The following VPS26C variants were observed in gnomAD, a reference collection of about 807,000 sequenced individuals.
VPS26C encodes the protein vacuolar protein sorting-associated protein 26C.
In VPS26C, 19 loss-of-function variants were observed where a neutral mutation model predicts 30.6. That is an observed-to-expected ratio of 0.62 (90% CI 0.43 to 0.91). VPS26C has a LOEUF of 0.91. Among genes scored for constraint, VPS26C ranks in the 40% least tolerant of loss-of-function variants. VPS26C has a pLI of 0.00. For missense variants in VPS26C, 318 were observed against 385.1 expected (o/e 0.83, Z 1.46); for synonymous variants, 132 against 151.5 (o/e 0.87, Z 0.95).
At position 37,257,945 on chromosome 21, in the gene VPS26C, G is replaced by T. The variant is rs138973602; in HGVS notation, c.57+9293C>A. Among the ~76,000 whole-genome samples the T allele has an allele frequency of 6.6e-6, 1 of 152,116 alleles. No individual in the cohort carries two copies. Among genetic ancestry groups the T allele is most frequent in the African/African-American group, 2.4e-5 (1 of 41,406 alleles). Reference sequence around the variant, plus strand: ...AAGCACCATGCAGCGCCCACCAGCCGGCAGCGCCCACCAGCCTGCGCTGCG... The same window carrying T: ...AAGCACCATGCAGCGCCCACCAGCCTGCAGCGCCCACCAGCCTGCGCTGCG... On this transcript the variant is annotated intron_variant, in intron 1 of 7. Coordinates refer to ENST00000309117, the MANE Select transcript of VPS26C (RefSeq NM_006052.2). The surrounding 1 kb of genome is among the most constrained non-coding windows in gnomAD (Gnocchi z 4.2).
At chr21:37,227,994 T>C (rs780542005) in intron 6 of VPS26C, among the ~76,000 whole-genome samples, 188 bp from the exon 7 acceptor site, 2 of 152,200 alleles carry the variant, frequency 1.3e-5, no homozygotes, top group Non-Finnish European at 2.9e-5. Context: ...CGTCCTCTCG[T>C]TTTTTAGAGT....
At chr21:37,240,913 T>C (rs1178058994) in intron 1 of VPS26C, among the ~76,000 whole-genome samples, 1 of 152,156 alleles carries the variant, frequency 6.6e-6, no homozygotes, top group Non-Finnish European at 1.5e-5. Flanking sequence ...CATGTCTTCA[T>C]TCCTGGTTGG....
At chr21:37,227,421 A>C (rs989848933) in intron 7 of VPS26C, 1 of 538,078 alleles carries the variant, frequency 1.9e-6, no homozygotes, top group Non-Finnish European at 3.3e-6. Context: ...TGGAAGTCCC[A>C]CAAGCACCAG....
chr21:37,267,224 C>CCCCCAA lies in VPS26C; in HGVS notation c.57+13_57+14insTTGGGG. On this transcript the variant is annotated intron_variant, in intron 1 of 7. Coordinates refer to ENST00000309117, the MANE Select transcript of VPS26C (RefSeq NM_006052.2). ...CCAACCCCACCTCCATCCCCACCCC[C>CCCCCAA]AGCCCCCACTTACCCCGGCGTGATA... The CCCCCAA allele has an allele frequency of 6.5e-7, 1 of 1,541,536 alleles. No homozygotes were observed. The highest frequency in any genetic ancestry group is 8.9e-7 in the Non-Finnish European group (1 of 1,118,014).
intron 1 of VPS26C, among the ~76,000 whole-genome samples, chr21:37,245,522 C>A (rs2086128976): frequency 6.6e-6 from 1 of 152,144 alleles, no homozygotes; most frequent in Non-Finnish European, 1.5e-5. Flanking sequence ...ACTACTCCCT[C>A]CCTAGCACTC....
chr21:37,244,912 C>T (rs1033067553), intron 1 of VPS26C, among the ~76,000 whole-genome samples: 3 of 152,198 alleles, frequency 2.0e-5, no homozygotes, highest in African/African-American at 4.8e-5. Flanking sequence ...CCTGTCAACC[C>T]GCCCCATGCT....
chr21:37,240,101 C>T (rs957226533), intron 2 of VPS26C, among the ~76,000 whole-genome samples: 5 of 152,158 alleles, frequency 3.3e-5, no homozygotes, highest in Non-Finnish European at 5.9e-5. Flanking sequence ...TAAAGGCACA[C>T]AGCAAGTGAA....
chr21:37,267,981 A>G (rs1169680458), upstream of VPS26C: 1 of 152,174 alleles, frequency 6.6e-6, no homozygotes, highest in African/African-American at 2.4e-5. Context: ...CAAAGCGCTG[A>G]TTGGCCGGCG....
At chr21:37,267,536 C>A (rs550944427), upstream of VPS26C, 1 of 565,322 alleles carries the variant, frequency 1.8e-6, no homozygotes, top group Admixed American at 3.4e-5. Flanking sequence ...TCACCCCGCC[C>A]CCTCTGGGCG....
At chr21:37,263,225 T>G (rs369050782) in intron 1 of VPS26C, among the ~76,000 whole-genome samples, 1 of 152,240 alleles carries the variant, frequency 6.6e-6, no homozygotes, top group Admixed American at 6.5e-5. Flanking sequence ...CATTTTCAAA[T>G]GCTTCCACAA....
chr21:37,242,723 C>T (rs1482767458), intron 1 of VPS26C, among the ~76,000 whole-genome samples: 2 of 152,170 alleles, frequency 1.3e-5, no homozygotes, highest in South Asian at 4.1e-4. Context: ...AGGATGGTCC[C>T]GTTCCTATGC....
chr21:37,236,761 C>A (rs2086028845), intron 3 of VPS26C, among the ~76,000 whole-genome samples: 1 of 152,146 alleles, frequency 6.6e-6, no homozygotes, highest in African/African-American at 2.4e-5. Context: ...TGGGGAGGTA[C>A]TGAATTCCAA....
intron 1 of VPS26C, among the ~76,000 whole-genome samples, chr21:37,258,681 G>A (rs1280623057): frequency 1.3e-5 from 2 of 152,176 alleles, no homozygotes; most frequent in South Asian, 4.1e-4. Context: ...CCGGGGACTC[G>A]GCATTAGGAG....
rs1364200458 is a variant in VPS26C, at chr21:37,267,295, C to T, written c.-1G>A. The T allele has an allele frequency of 6.3e-7, 1 of 1,594,636 alleles. No individual in the cohort carries two copies. The highest frequency in any genetic ancestry group is 8.6e-7 in the Non-Finnish European group (1 of 1,167,784). ...TCTTGATGTCCAGGGCGGTCCCCAT[C>T]TCCAATTCTCCGCAGCAGCCGCCAC... On this transcript the variant is annotated 5_prime_UTR_variant, in exon 1 of 8. Coordinates refer to ENST00000309117, the MANE Select transcript of VPS26C (RefSeq NM_006052.2).
chr21:37,247,741 A>G (rs914258594), intron 1 of VPS26C, among the ~76,000 whole-genome samples: 8 of 152,228 alleles, frequency 5.3e-5, no homozygotes, highest in Middle Eastern at 3.2e-3. Context: ...TGGAGAGGAT[A>G]AAAAAGAAAG....
intron 3 of VPS26C, among the ~76,000 whole-genome samples, chr21:37,234,476 C>T (rs148475367): frequency 3.3e-5 from 5 of 152,276 alleles, no homozygotes; most frequent in African/African-American, 7.2e-5. Flanking sequence ...AGGCTTTGAA[C>T]GGAGACTGTT....
intron 1 of VPS26C, among the ~76,000 whole-genome samples, chr21:37,250,312 A>C (rs899842793): frequency 6.6e-6 from 1 of 152,114 alleles, no homozygotes; most frequent in East Asian, 1.9e-4. Context: ...CTTAAAAAAA[A>C]AAAAAAATCA....
chr21:37,263,478 T>C (rs2086326017), intron 1 of VPS26C, among the ~76,000 whole-genome samples: 1 of 152,224 alleles, frequency 6.6e-6, no homozygotes, highest in South Asian at 2.1e-4. Flanking sequence ...CCAGACTCTG[T>C]CCAATTAGTC....
intron 1 of VPS26C, among the ~76,000 whole-genome samples, chr21:37,265,759 T>G (rs1439686488): frequency 2.6e-5 from 4 of 152,092 alleles, no homozygotes; most frequent in Non-Finnish European, 5.9e-5. Flanking sequence ...GAATACTACA[T>G]AGGTGAGTTG....
Sources: gnomAD v4.1 joint callset for allele counts (sites outside exome capture counted in the v4.1 genomes callset) on GRCh38, gnomAD v4.1.1 for gene constraint, Gnocchi (gnomAD v3.1) non-coding constraint, MANE v1.5 for transcripts, NCBI Gene and HGNC (gene_info 2026-07-23, HGNC 2026-07-21) for gene names.